The following RPTOR variants were observed in gnomAD, a reference collection of about 807,000 sequenced individuals.
The protein encoded by RPTOR is regulatory-associated protein of mTOR.
In RPTOR, 21 loss-of-function variants were observed where a neutral mutation model predicts 169.9. That is an observed-to-expected ratio of 0.12 (90% CI 0.09 to 0.18). The LOEUF is 0.18. Ranked by LOEUF, RPTOR falls within the 10% of genes least tolerant of loss-of-function variation. The pLI, the probability that RPTOR is intolerant of heterozygous loss-of-function variation, is 1.00. For missense variants in RPTOR, 1,133 were observed against 1,855.9 expected (o/e 0.61, Z 7.16); for synonymous variants, 732 against 753.2 (o/e 0.97, Z 0.46).
intron 5 of RPTOR, among the ~76,000 whole-genome samples, chr17:80,750,451 GA>G (rs1470671098): frequency 6.6e-6 from 1 of 152,174 alleles, no homozygotes; most frequent in African/African-American, 2.4e-5. Flanking sequence ...GTCTGCCTCA[GA>G]TGCCTCCCTC....
chr17:80,736,567 A>C lies in RPTOR; in HGVS notation c.654+5861A>C, dbSNP rs576407377. Among the ~76,000 whole-genome samples the C allele has an allele frequency of 2.3e-4, 35 of 152,268 alleles. 1 individual carries two copies. Among genetic ancestry groups the C allele is most frequent in the Non-Finnish European group, 4.7e-4 (32 of 68,046 alleles). On this transcript the variant is annotated intron_variant, in intron 5 of 33. Coordinates refer to ENST00000306801, the MANE Select transcript of RPTOR (RefSeq NM_020761.3). ...TCTGCCAAAAATGACTAACGTCTAG[A>C]ATCTTCAAGTTTCCTCAAAAATATT...
At chr17:80,934,745 A>G (rs2144022097) in intron 24 of RPTOR, among the ~76,000 whole-genome samples, 2 of 152,354 alleles carry the variant, frequency 1.3e-5, no homozygotes, top group Admixed American at 1.3e-4. Flanking sequence ...TAAGGAGGAA[A>G]TAATACCACT....
chr17:80,821,460 G>C (rs2143611315), intron 7 of RPTOR, among the ~76,000 whole-genome samples: 1 of 152,316 alleles, frequency 6.6e-6, no homozygotes, highest in Middle Eastern at 3.4e-3. Flanking sequence ...ACTTCACTTA[G>C]AATAATGGCC....
chr17:80,912,629 G>A (rs755017125), intron 21 of RPTOR, among the ~76,000 whole-genome samples: 3 of 152,114 alleles, frequency 2.0e-5, no homozygotes, highest in Non-Finnish European at 4.4e-5. Context: ...TTCAGCAAAC[G>A]TCCCAGCACA....
intron 9 of RPTOR, 72 bp from the exon 10 acceptor site, chr17:80,837,850 G>C: frequency 2.1e-6 from 3 of 1,420,244 alleles, no homozygotes; most frequent in South Asian, 1.2e-5. Flanking sequence ...GGCTCCTCCT[G>C]TGCCCTGTGA....
intron 6 of RPTOR, among the ~76,000 whole-genome samples, chr17:80,760,976 A>C (rs796146860): frequency 1.4e-4 from 22 of 152,326 alleles, no homozygotes; most frequent in African/African-American, 5.1e-4. Context: ...TTGTTGGAAG[A>C]CATTGTTCTC....
chr17:80,660,270 CAAAA>C (rs35167825), intron 3 of RPTOR, among the ~76,000 whole-genome samples: 5 of 103,054 alleles, frequency 4.9e-5, no homozygotes, highest in Admixed American at 1.1e-4. Context: ...GACTGTGTCT[CAAAA>C]AAAAAAAAAA....
At chr17:80,934,458 G>A (rs73357804) in intron 24 of RPTOR, among the ~76,000 whole-genome samples, 45,936 of 152,024 alleles carry the variant, frequency 0.3, 7,159 homozygotes, top group Middle Eastern at 0.36. Context: ...TCCTGGACTC[G>A]AGAGACCCTC....
At chr17:80,670,514 AT>A (rs1011881908) in intron 3 of RPTOR, among the ~76,000 whole-genome samples, 3 of 151,880 alleles carry the variant, frequency 2.0e-5, no homozygotes, top group Admixed American at 6.6e-5. Flanking sequence ...TTTGTACCCT[AT>A]TTTTTTGATG....
At chr17:80,627,041 A>G (rs559217676) in intron 2 of RPTOR, among the ~76,000 whole-genome samples, 1 of 152,182 alleles carries the variant, frequency 6.6e-6, no homozygotes, top group Admixed American at 6.5e-5. Context: ...CAGTAGACTG[A>G]TATTTGTCCC....
Position 80,566,823 on chromosome 17 carries a change from C to CAAAA in RPTOR, c.162+21058_162+21061dup, listed in dbSNP as rs56295360. Among the ~76,000 whole-genome samples the CAAAA allele has an allele frequency of 1.6e-3, 131 of 83,986 alleles. 7 individuals carry two copies. Among genetic ancestry groups the CAAAA allele is most frequent in the African/African-American group, 6.3e-3 (126 of 19,904 alleles). 55.1% of individuals were successfully genotyped at this position (83,986 alleles called of 152,430 possible). On this transcript the variant is annotated intron_variant, in intron 1 of 33. Transcript: ENST00000306801. Reference sequence around the variant, plus strand: ...TGGGCGACAGAGCGAGACTCCGTCTCAAAAAAAAAAAAAAAAAAAAAAAAA... The same window carrying CAAAA: ...TGGGCGACAGAGCGAGACTCCGTCTCAAAAAAAAAAAAAAAAAAAAAAAAAAAAA...
At chr17:80,867,647 C>G (rs957302581) in intron 13 of RPTOR, among the ~76,000 whole-genome samples, 1 of 152,060 alleles carries the variant, frequency 6.6e-6, no homozygotes, top group Admixed American at 6.6e-5. Flanking sequence ...TTTTAAAGTG[C>G]TACTAGAAAA....
intron 7 of RPTOR, among the ~76,000 whole-genome samples, chr17:80,811,602 A>G (rs7221880): frequency 2.6e-5 from 3 of 113,966 alleles, no homozygotes; most frequent in African/African-American, 3.3e-5. Context: ...AACAAGGCCT[A>G]AACCTCACTG....
chr17:80,858,195 C>CCACACCG, intron 13 of RPTOR: 1 of 416,982 alleles, frequency 2.4e-6, no homozygotes, highest in East Asian at 4.5e-5. Flanking sequence ...CTCAGTCCCC[C>CCACACCG]TGCCTGTGTC....
Position 80,744,610 on chromosome 17 carries a change from CAGCCCTGGTTACTAGCAG to C in RPTOR, c.655-9391_655-9374del, listed in dbSNP as rs1208496253. 6.5e-4 allele frequency among the ~76,000 whole-genome samples: 40 copies of C among 61,762 alleles called. 3 individuals carry two copies. The highest frequency in any genetic ancestry group is 1.2e-3 in the African/African-American group (11 of 9,472). 40.5% of individuals were successfully genotyped at this position (61,762 alleles called of 152,430 possible). A position where few individuals can be genotyped will look rare whatever the true frequency, so the allele number is the denominator to read the frequency against. ...ACTAGCACTGTCCTGGTTACTAGCACAGCCCTGGTTACTAGCAGAGCCCTGGCTACTAGCACTCTCCTG... is the reference window on the plus strand; with the variant it reads ...ACTAGCACTGTCCTGGTTACTAGCACAGCCCTGGCTACTAGCACTCTCCTG... On this transcript the variant is annotated intron_variant, in intron 5 of 33. Coordinates refer to ENST00000306801, the MANE Select transcript of RPTOR (RefSeq NM_020761.3).
intron 7 of RPTOR, among the ~76,000 whole-genome samples, chr17:80,815,626 T>A (rs1320722120): frequency 6.6e-6 from 1 of 152,228 alleles, no homozygotes; most frequent in East Asian, 1.9e-4. Flanking sequence ...TGAGATTGAT[T>A]TATGTCAAGG....
intron 1 of RPTOR, among the ~76,000 whole-genome samples, chr17:80,576,794 C>T (rs1240921945): frequency 6.6e-6 from 1 of 152,232 alleles, no homozygotes; most frequent in African/African-American, 2.4e-5. Context: ...ACCTCCACCT[C>T]CTGGGTTCAA....
At chr17:80,883,319 C>A in intron 14 of RPTOR, 100 bp from the exon 15 acceptor site, 1 of 1,019,412 alleles carries the variant, frequency 9.8e-7, no homozygotes, top group Non-Finnish European at 1.6e-6. Context: ...AATTATGCGC[C>A]ACGCGTGTCA....
chr17:80,908,988 A>G lies in RPTOR; in HGVS notation c.2520+59A>G, dbSNP rs187870607. 1,897 of 1,227,188 alleles carry G rather than the reference A, an allele frequency of 1.5e-3. 11 individuals are homozygous for G. Among genetic ancestry groups the G allele is most frequent in the Non-Finnish European group, 2.0e-3 (1,644 of 832,148 alleles). The allele number at this position is 1,227,188 out of a possible 1,614,324, so 76.0% of individuals were successfully genotyped here. A position where few individuals can be genotyped will look rare whatever the true frequency, so the allele number is the denominator to read the frequency against. ...TGCTGGTTCTCGGTTACGAGTATGC[A>G]TGCCAGGAACTCCAGGTGTGCCCGG... On this transcript the variant is annotated intron_variant, in intron 21 of 33. Coordinates refer to ENST00000306801, the MANE Select transcript of RPTOR (RefSeq NM_020761.3).
Sources: allele counts gnomAD v4.1 joint callset (sites outside exome capture counted in the v4.1 genomes callset), GRCh38; gene constraint gnomAD v4.1.1; transcripts MANE v1.5; gene names NCBI Gene and HGNC (gene_info 2026-07-23, HGNC 2026-07-21).